The following GLI2 variants were observed in gnomAD, a reference collection of about 807,000 sequenced individuals.
The protein encoded by GLI2 is transcription activator GLI2.
Under a neutral mutation model 78.9 loss-of-function variants are expected in GLI2, and 22 were observed. The observed-to-expected ratio is 0.28, with a 90% CI of 0.20 to 0.40. The LOEUF (loss-of-function observed/expected upper bound fraction) is 0.40, where lower values mean the gene tolerates loss of function less well. Ranked by LOEUF, GLI2 falls within the 10% of genes least tolerant of loss-of-function variation. The pLI is 1.00. For missense variants in GLI2, 2,097 were observed against 2,213.2 expected (o/e 0.95, Z 1.05); for synonymous variants, 974 against 963.7 (o/e 1.01, Z -0.20).
intron 5 of GLI2, among the ~76,000 whole-genome samples, chr2:120,962,563 G>C (rs1681622474): frequency 6.6e-6 from 1 of 152,204 alleles, no homozygotes; most frequent in Non-Finnish European, 1.5e-5. Flanking sequence ...GTCCGCCCAG[G>C]TGAGGGTGGG....
chr2:120,735,976 G>A lies in GLI2; in HGVS notation c.-340G>A, dbSNP rs1553442858. 6.6e-6 allele frequency among the ~76,000 whole-genome samples: 1 copy of A among 151,988 alleles called. No individual in the cohort carries two copies. The highest frequency in any genetic ancestry group is 1.5e-5 in the Non-Finnish European group (1 of 67,972). Reference sequence around the variant, plus strand: ...ACTTCGAGGAGGAGCGGGCGGCGGCGGCGGCTGCGACTGCGAACGCGGAGG... The same window carrying A: ...ACTTCGAGGAGGAGCGGGCGGCGGCAGCGGCTGCGACTGCGAACGCGGAGG... On this transcript the variant is annotated 5_prime_UTR_variant, in exon 1 of 14. Coordinates refer to ENST00000361492, the MANE Select transcript of GLI2 (RefSeq NM_001374353.1).
intron 1 of GLI2, among the ~76,000 whole-genome samples, chr2:120,762,051 A>T (rs928452680): frequency 2.6e-5 from 4 of 152,210 alleles, no homozygotes; most frequent in African/African-American, 9.6e-5. Context: ...GCACCCACGG[A>T]GCCGGGCAGT....
intron 3 of GLI2, among the ~76,000 whole-genome samples, chr2:120,942,641 C>T (rs1203603667): frequency 1.3e-5 from 2 of 152,220 alleles, no homozygotes; most frequent in East Asian, 1.9e-4. Context: ...ACGTGCCTTC[C>T]CTCTGCTCCT....
At chr2:120,782,420 C>T (rs1683876406) in intron 1 of GLI2, among the ~76,000 whole-genome samples, 1 of 152,124 alleles carries the variant, frequency 6.6e-6, no homozygotes, top group South Asian at 2.1e-4. Flanking sequence ...TGTTTTTTTG[C>T]CATGAACTCA....
chr2:120,922,338 C>G (rs1013234491), intron 2 of GLI2, among the ~76,000 whole-genome samples: 1 of 152,300 alleles, frequency 6.6e-6, no homozygotes, highest in Admixed American at 6.5e-5. Flanking sequence ...GCAACTTGGC[C>G]GACTAGCTGG....
intron 9 of GLI2, among the ~76,000 whole-genome samples, chr2:120,975,417 G>A (rs547196405): frequency 3.3e-4 from 50 of 151,012 alleles, no homozygotes; most frequent in Non-Finnish European, 3.5e-4. Context: ...CGAGTGCTTT[G>A]AGCTATATTC....
rs780098157 is a variant in GLI2, at chr2:120,978,573, A to G, written c.1457A>G (p.His486Arg). ...CGGCGACACACGGGCGAGAAGCCCC[A>G]CAAGTGCACGGTGAGTGGCCTTCTC... ...HMRRHTGEKP[H>R]KCTFEGCSKA... Residue 486 changes from histidine (H) to arginine (R), a missense_variant, in exon 10 of 14, where the codon CAC becomes CGC. Coordinates refer to ENST00000361492, the MANE Select transcript of GLI2 (RefSeq NM_001374353.1). 4 of 1,613,762 alleles carry G rather than the reference A, an allele frequency of 2.5e-6. No individual in the cohort carries two copies. The highest frequency in any genetic ancestry group is 2.5e-6 in the Non-Finnish European group (3 of 1,179,950).
intron 2 of GLI2, among the ~76,000 whole-genome samples, chr2:120,893,016 G>A (rs556896873): frequency 1.7e-4 from 26 of 152,216 alleles, no homozygotes; most frequent in Non-Finnish European, 5.9e-5. Flanking sequence ...AGGAGTGACC[G>A]CCAGTGTGAA....
At chr2:120,877,665 G>A (rs1051882721) in intron 2 of GLI2, among the ~76,000 whole-genome samples, 7 of 152,212 alleles carry the variant, frequency 4.6e-5, no homozygotes, top group Non-Finnish European at 7.3e-5. Context: ...CTTATGTTTA[G>A]GGGATTCATT....
At chr2:120,959,994 G>A (rs1681466045) in intron 5 of GLI2, among the ~76,000 whole-genome samples, 1 of 152,202 alleles carries the variant, frequency 6.6e-6, no homozygotes, top group African/African-American at 2.4e-5. Context: ...AGGGGGCCTG[G>A]AGAGCTCATG....
At chr2:120,909,941 G>A (rs544145564) in intron 2 of GLI2, among the ~76,000 whole-genome samples, 8 of 152,350 alleles carry the variant, frequency 5.3e-5, no homozygotes, top group Admixed American at 2.6e-4. Context: ...CAGACCCTTC[G>A]TAGGCCTTCC....
chr2:120,761,631 G>A (rs1683216017), intron 1 of GLI2, among the ~76,000 whole-genome samples: 2 of 152,130 alleles, frequency 1.3e-5, no homozygotes, highest in African/African-American at 4.8e-5. Context: ...TCGGGGGTTG[G>A]GAGAGCACTT....
chr2:120,894,471 G>C (rs1467132865), intron 2 of GLI2, among the ~76,000 whole-genome samples: 2 of 152,130 alleles, frequency 1.3e-5, no homozygotes, highest in African/African-American at 4.8e-5. Context: ...TGCCTGCTCT[G>C]TTCCCTCCTG....
At chr2:120,754,252 A>G (rs1573344496) in intron 1 of GLI2, among the ~76,000 whole-genome samples, 1 of 152,346 alleles carries the variant, frequency 6.6e-6, no homozygotes, top group Non-Finnish European at 1.5e-5. Flanking sequence ...AGGGAGTGTT[A>G]TCAAACTTGT....
chr2:120,938,060 GA>G (rs1238917343), intron 3 of GLI2, among the ~76,000 whole-genome samples: 1 of 152,212 alleles, frequency 6.6e-6, no homozygotes, highest in Non-Finnish European at 1.5e-5. Context: ...CTTTCTGGAA[GA>G]TTTGGTTCAG....
chr2:120,959,748 T>C (rs1378226604), intron 5 of GLI2, among the ~76,000 whole-genome samples: 2 of 152,096 alleles, frequency 1.3e-5, no homozygotes, highest in African/African-American at 4.8e-5. Context: ...TCCATGGGTC[T>C]GTGCCAGTCC....
intron 2 of GLI2, among the ~76,000 whole-genome samples, chr2:120,912,784 G>GA (rs1252366255): frequency 6.6e-6 from 1 of 152,152 alleles, no homozygotes; most frequent in East Asian, 1.9e-4. Context: ...CCGTGTCTGG[G>GA]AACACTCCAA....
Position 120,925,822 on chromosome 2 carries a change from C to T in GLI2, c.149-1539C>T, listed in dbSNP as rs575735574. Among the ~76,000 whole-genome samples the T allele has an allele frequency of 2.6e-5, 4 of 152,248 alleles. No homozygotes were observed. The South Asian group carries it at 8.3e-4, about 32-fold the overall frequency. ...GCGTGGTGGCTCACGCCTGTAATCC[C>T]AGCACTTTGGGAGGCCGAGGCGGGC... On this transcript the variant is annotated intron_variant, in intron 2 of 13. Coordinates refer to ENST00000361492, the MANE Select transcript of GLI2 (RefSeq NM_001374353.1).
intron 3 of GLI2, among the ~76,000 whole-genome samples, chr2:120,937,484 T>C (rs1332139283): frequency 6.6e-6 from 1 of 152,116 alleles, no homozygotes; most frequent in Non-Finnish European, 1.5e-5. Context: ...CAGGGTGGTA[T>C]GCTGGAAGAG....
Sources: gnomAD v4.1 joint callset for allele counts (sites outside exome capture counted in the v4.1 genomes callset) on GRCh38, gnomAD v4.1.1 for gene constraint, MANE v1.5 for transcripts, NCBI Gene and HGNC (gene_info 2026-07-23, HGNC 2026-07-21) for gene names.